Variants in GABRA2 observed in about 807,000 individuals in gnomAD.
GABRA2 encodes gamma-aminobutyric acid type A receptor subunit alpha2, also known as gamma-aminobutyric acid receptor subunit alpha-2.
GABRA2 carries 16 observed loss-of-function variants against 48.7 expected under a neutral mutation model. The ratio of observed to expected loss-of-function variants is 0.33; its 90% CI spans 0.22 to 0.50. GABRA2 has a LOEUF of 0.50. Ranked by LOEUF, GABRA2 falls within the 20% of genes least tolerant of loss-of-function variation. GABRA2 has a pLI of 0.98. For missense variants in GABRA2, 275 were observed against 535.6 expected (o/e 0.51, Z 4.80); for synonymous variants, 185 against 184.5 (o/e 1.00, Z -0.02).
At chr4:46,262,503 T>A (rs1717185640) in intron 8 of GABRA2, among the ~76,000 whole-genome samples, 1 of 152,112 alleles carries the variant, frequency 6.6e-6, no homozygotes, top group African/African-American at 2.4e-5. Flanking sequence ...ATTTTTGAAA[T>A]CTTATAAAAT....
At chr4:46,255,114 T>C (rs1715542461) in intron 9 of GABRA2, among the ~76,000 whole-genome samples, 1 of 151,600 alleles carries the variant, frequency 6.6e-6, no homozygotes, top group African/African-American at 2.4e-5. Flanking sequence ...CACTTTTGTT[T>C]TCCTTTCACT....
intron 8 of GABRA2, among the ~76,000 whole-genome samples, chr4:46,282,589 T>C (rs924200074): frequency 1.3e-5 from 2 of 152,142 alleles, no homozygotes; most frequent in Non-Finnish European, 2.9e-5. Context: ...CAAACACTAA[T>C]GATATGATGT....
chr4:46,281,309 C>T (rs1377835847), intron 8 of GABRA2, among the ~76,000 whole-genome samples: 2 of 151,996 alleles, frequency 1.3e-5, no homozygotes, highest in African/African-American at 4.8e-5. Context: ...GTAATTGTCA[C>T]ACAGAAATGG....
chr4:46,277,110 T>C (rs1188087374), intron 8 of GABRA2, among the ~76,000 whole-genome samples: 3 of 152,194 alleles, frequency 2.0e-5, no homozygotes, highest in Admixed American at 6.5e-5. Context: ...TCATTATTCA[T>C]AATTCGTGTG....
chr4:46,305,774 C>T (rs779981201), intron 6 of GABRA2, 63 bp from the exon 7 acceptor site: 612 of 1,215,384 alleles, frequency 5.0e-4, no homozygotes, highest in Non-Finnish European at 7.0e-4. Flanking sequence ...TAGTGCTACA[C>T]GAACGGTTGT....
At chr4:46,331,542 A>G (rs1295441347) in intron 4 of GABRA2, among the ~76,000 whole-genome samples, 4 of 152,140 alleles carry the variant, frequency 2.6e-5, no homozygotes, top group Non-Finnish European at 4.4e-5. Context: ...TTTCCCCCTG[A>G]GTTATCAGAG....
At chr4:46,381,057 G>A (rs778777859) in intron 3 of GABRA2, among the ~76,000 whole-genome samples, 4 of 152,048 alleles carry the variant, frequency 2.6e-5, no homozygotes, top group East Asian at 3.9e-4. Flanking sequence ...CAACCTCCTC[G>A]AAACAGCTTT....
At chr4:46,290,365 T>C (rs1176697962) in intron 8 of GABRA2, among the ~76,000 whole-genome samples, 2 of 152,212 alleles carry the variant, frequency 1.3e-5, no homozygotes, top group East Asian at 3.9e-4. Context: ...CTTTTGAGAT[T>C]ATTGCTGTTT....
chr4:46,300,967 T>A (rs1345473633), intron 8 of GABRA2, among the ~76,000 whole-genome samples: 1 of 152,136 alleles, frequency 6.6e-6, no homozygotes, highest in African/African-American at 2.4e-5. Flanking sequence ...ATGTCATATC[T>A]TTCTAGAATA....
At position 46,284,077 on chromosome 4, in the gene GABRA2, GAAAAA is replaced by G. The variant is rs3068328; in HGVS notation, c.856+19378_856+19382del. The stretch of plus-strand genomic sequence containing the variant: ...TCCGGCCTGATTTGAGTTCTTAATA[GAAAAA>G]AAAAAAAAAAAAACTCTGTTATATA... On this transcript the variant is annotated intron_variant, in intron 8 of 9. Transcript: ENST00000381620. Among the ~76,000 whole-genome samples, 31 of 123,372 alleles carry G rather than the reference GAAAAA, an allele frequency of 2.5e-4. 1 individual carries two copies. Among genetic ancestry groups the G allele is most frequent in the African/African-American group, 7.5e-4 (27 of 35,882 alleles). 80.9% of individuals were successfully genotyped at this position (123,372 alleles called of 152,430 possible).
At position 46,246,601 on chromosome 4, in the gene GABRA2, C is replaced by A. The variant is rs79569811; in HGVS notation, c.*3707G>T. Reference sequence around the variant, plus strand: ...GGGTAGCAATGAGTCAGGTAGTAATCCCCTTAAAATTCTGAATGTTTTCAT... The same window carrying A: ...GGGTAGCAATGAGTCAGGTAGTAATACCCTTAAAATTCTGAATGTTTTCAT... On this transcript the variant is annotated 3_prime_UTR_variant, in exon 10 of 10. Transcript: ENST00000381620. Among the ~76,000 whole-genome samples the A allele has an allele frequency of 2.6e-5, 4 of 151,060 alleles. No individual in the cohort carries two copies. The highest frequency in any genetic ancestry group is 4.5e-5 in the Non-Finnish European group (3 of 67,404).
intron 3 of GABRA2, among the ~76,000 whole-genome samples, chr4:46,356,987 T>G (rs570894281): frequency 4.1e-4 from 62 of 151,654 alleles, no homozygotes; most frequent in East Asian, 7.7e-4. Flanking sequence ...GTTTGTTTTT[T>G]TTTTGTTTTG....
At chr4:46,277,379 G>A (rs2109440337) in intron 8 of GABRA2, among the ~76,000 whole-genome samples, 1 of 152,224 alleles carries the variant, frequency 6.6e-6, no homozygotes, top group Middle Eastern at 3.4e-3. Context: ...GATGCCAGGT[G>A]TGCCTCCTGT....
At chr4:46,294,932 G>A (rs1259798411) in intron 8 of GABRA2, among the ~76,000 whole-genome samples, 1 of 152,172 alleles carries the variant, frequency 6.6e-6, no homozygotes, top group Admixed American at 6.5e-5. Flanking sequence ...ATATGCATGT[G>A]ATCAGGCTCA....
At chr4:46,258,258 C>CA (rs1328682159) in intron 9 of GABRA2, among the ~76,000 whole-genome samples, 1 of 151,654 alleles carries the variant, frequency 6.6e-6, no homozygotes, top group Non-Finnish European at 1.5e-5. Context: ...ATGTGTTAAA[C>CA]AAAAATGGTC....
chr4:46,260,181 T>C lies in GABRA2; in HGVS notation c.1059+1745A>G, dbSNP rs564628789. On this transcript the variant is annotated intron_variant, in intron 9 of 9. Coordinates refer to ENST00000381620, the MANE Select transcript of GABRA2 (RefSeq NM_000807.4). ...GGACCAGGCACTGTGCTGGACACTC[T>C]AGCTGTGGAAAAGGAAATGAGAACA... Among the ~76,000 whole-genome samples the C allele has an allele frequency of 2.1e-3, 325 of 152,034 alleles. 1 individual carries two copies. The highest frequency in any genetic ancestry group is 7.3e-3 in the African/African-American group (304 of 41,558).
chr4:46,377,790 C>G, intron 3 of GABRA2, among the ~76,000 whole-genome samples: 1 of 144,640 alleles, frequency 6.9e-6, no homozygotes, highest in African/African-American at 2.6e-5. Context: ...GGCGCCTCTG[C>G]CCGGCCGCCC....
intron 3 of GABRA2, among the ~76,000 whole-genome samples, chr4:46,355,437 T>C (rs544703738): frequency 6.6e-6 from 1 of 152,114 alleles, no homozygotes; most frequent in Non-Finnish European, 1.5e-5. Context: ...GGATAATATA[T>C]CCTTTGGGGT....
At chr4:46,324,857 T>C (rs1471378893) in intron 4 of GABRA2, among the ~76,000 whole-genome samples, 1 of 152,004 alleles carries the variant, frequency 6.6e-6, no homozygotes, top group Non-Finnish European at 1.5e-5. Context: ...CTTAGGGAAA[T>C]GGCCTCCAGC....
Sources: allele counts gnomAD v4.1 joint callset (sites outside exome capture counted in the v4.1 genomes callset), GRCh38; gene constraint gnomAD v4.1.1; transcripts MANE v1.5; gene names NCBI Gene and HGNC (gene_info 2026-07-23, HGNC 2026-07-21).